CASD1: variants seen among roughly 807,000 people sequenced by gnomAD.
CASD1 encodes N-acetylneuraminate (7)9-O-acetyltransferase.
In CASD1, 41 loss-of-function variants were observed where a neutral mutation model predicts 100.0. The ratio of observed to expected loss-of-function variants is 0.41; its 90% CI spans 0.32 to 0.53. The LOEUF (loss-of-function observed/expected upper bound fraction) is 0.53. CASD1 is among the 20% of genes least tolerant of loss of function. CASD1 has a pLI of 0.25. For missense variants in CASD1, 774 were observed against 948.7 expected, an observed-to-expected ratio of 0.82 and a Z score of 2.42; for synonymous variants, 321 against 315.6, an observed-to-expected ratio of 1.02 and a Z score of -0.18.
At chr7:94,566,639 G>A in the CASD1 span, among the ~76,000 whole-genome samples, 3 of 152,164 alleles carry the variant, frequency 2.0e-5, no homozygotes, top group Non-Finnish European at 4.4e-5. Context: ...AACTTGGAGG[G>A]TGCATCAGGA....
chr7:94,582,300 T>G, the CASD1 span, among the ~76,000 whole-genome samples: 1 of 152,138 alleles, frequency 6.6e-6, no homozygotes, highest in Non-Finnish European at 1.5e-5. Flanking sequence ...GTATTTTTAG[T>G]AGAGATGGGG....
At chr7:94,621,715 G>A in the CASD1 span, 1 of 152,206 alleles carries the variant, frequency 6.6e-6, no homozygotes, top group Non-Finnish European at 1.5e-5. Flanking sequence ...TCCTAAGGAG[G>A]AAGGAAACTT....
chr7:94,626,159 G>A, the CASD1 span: 16 of 151,954 alleles, frequency 1.1e-4, no homozygotes, highest in African/African-American at 1.9e-4. Context: ...GCAGGATTTC[G>A]TTTTTATTTT....
the CASD1 span, chr7:94,599,844 C>T: frequency 6.4e-6 from 5 of 783,186 alleles, no homozygotes; most frequent in South Asian, 7.2e-5. Flanking sequence ...TTAAATGCAA[C>T]CAGGCAGCAT....
chr7:94,527,211 G>A lies in CASD1; in HGVS notation c.396+5G>A, dbSNP rs763673761. Reference sequence around the variant, plus strand: ...AAGACTGCATCAGTTAAAGTGGTAAGTTCATGTAATAGTAAGCTAGATGTT... The same window carrying A: ...AAGACTGCATCAGTTAAAGTGGTAAATTCATGTAATAGTAAGCTAGATGTT... On this transcript the variant is annotated splice_donor_5th_base_variant and intron_variant, in intron 4 of 17. Coordinates refer to ENST00000297273, the MANE Select transcript of CASD1 (RefSeq NM_022900.5). The A allele has an allele frequency of 5.6e-6, 9 of 1,599,666 alleles. No individual in the cohort carries two copies. The highest frequency in any genetic ancestry group is 1.3e-5 in the African/African-American group (1 of 74,580).
At chr7:94,599,701 G>A in the CASD1 span, 65 of 1,609,384 alleles carry the variant, frequency 4.0e-5, no homozygotes, top group Admixed American at 1.0e-4. Flanking sequence ...ACTTACTCTG[G>A]TGTTTGCATG....
At chr7:94,573,511 T>C in the CASD1 span, among the ~76,000 whole-genome samples, 2 of 152,244 alleles carry the variant, frequency 1.3e-5, no homozygotes, top group African/African-American at 4.8e-5. Flanking sequence ...ATTGCCTTTC[T>C]GATTTGGCTC....
chr7:94,595,156 A>T, the CASD1 span, among the ~76,000 whole-genome samples: 1 of 152,136 alleles, frequency 6.6e-6, no homozygotes, highest in Admixed American at 6.6e-5. Context: ...CTTACTGACT[A>T]ATTTATGGTG....
chr7:94,574,541 G>C, the CASD1 span, among the ~76,000 whole-genome samples: 7 of 151,788 alleles, frequency 4.6e-5, no homozygotes, highest in Admixed American at 1.3e-4. Context: ...AGTTTCTGAT[G>C]GTTAGTTTTA....
downstream of CASD1, among the ~76,000 whole-genome samples, chr7:94,561,992 A>G (rs1346573944): frequency 6.6e-6 from 1 of 152,292 alleles, no homozygotes; most frequent in Middle Eastern, 3.4e-3. Flanking sequence ...ATTGCAGGAC[A>G]TTCTATAAAC....
chr7:94,554,163 A>G (rs888287247), intron 16 of CASD1: 4 of 170,406 alleles, frequency 2.3e-5, no homozygotes, highest in Non-Finnish European at 5.0e-5. Context: ...GTGTTGCTAC[A>G]TAAATATGAT....
the CASD1 span, among the ~76,000 whole-genome samples, chr7:94,631,153 T>A: frequency 6.6e-6 from 1 of 152,054 alleles, no homozygotes; most frequent in East Asian, 1.9e-4. Flanking sequence ...TGTTTTGTAC[T>A]AGTATTCATA....
chr7:94,571,100 A>G, the CASD1 span, among the ~76,000 whole-genome samples: 2 of 151,658 alleles, frequency 1.3e-5, no homozygotes, highest in African/African-American at 2.4e-5. Context: ...CTGGAAAGCA[A>G]TAGTGCAATC....
At chr7:94,580,162 C>T in the CASD1 span, among the ~76,000 whole-genome samples, 1 of 152,148 alleles carries the variant, frequency 6.6e-6, no homozygotes, top group East Asian at 1.9e-4. Flanking sequence ...TGTATCTGCT[C>T]TCTATATTAT....
chr7:94,631,857 G>C, the CASD1 span, among the ~76,000 whole-genome samples: 2 of 152,008 alleles, frequency 1.3e-5, no homozygotes, highest in South Asian at 4.1e-4. Flanking sequence ...ATAATCTAAA[G>C]GAATCTCTTT....
At chr7:94,575,134 A>G in the CASD1 span, among the ~76,000 whole-genome samples, 15 of 152,076 alleles carry the variant, frequency 9.9e-5, no homozygotes, top group Admixed American at 3.9e-4. Flanking sequence ...TTCAGTTGTC[A>G]TGTTAAGTTG....
At chr7:94,550,148 A>G (rs1176378007) in intron 14 of CASD1, among the ~76,000 whole-genome samples, 10 of 152,290 alleles carry the variant, frequency 6.6e-5, no homozygotes, top group South Asian at 6.2e-4. Flanking sequence ...GTATTAGTCT[A>G]TGAACTTGAT....
In CASD1 at chr7:94,552,336, A is replaced by G. The variant is rs370690951; in HGVS notation, c.1957-14A>G. 7 of 1,599,812 alleles carry G rather than the reference A, an allele frequency of 4.4e-6. No homozygotes were observed. The highest frequency in any genetic ancestry group is 4.5e-5 in the East Asian group (2 of 44,594). On this transcript the variant is annotated splice_polypyrimidine_tract_variant and intron_variant, in intron 15 of 17. Transcript: ENST00000297273. Reference sequence around the variant, plus strand: ...CTTGCTTTTTTGAACTTTTCCATACATTTTTTGTTTTAGACCTATTCCATC... The same window carrying G: ...CTTGCTTTTTTGAACTTTTCCATACGTTTTTTGTTTTAGACCTATTCCATC...
chr7:94,545,134 T>C (rs528321122), intron 11 of CASD1, among the ~76,000 whole-genome samples: 87 of 152,294 alleles, frequency 5.7e-4, no homozygotes, highest in Non-Finnish European at 9.7e-4. Context: ...TACTATTTTG[T>C]ATCTTTGACA....
Sources: allele counts gnomAD v4.1 joint callset (sites outside exome capture counted in the v4.1 genomes callset), GRCh38; gene constraint gnomAD v4.1.1; transcripts MANE v1.5; gene names NCBI Gene and HGNC (gene_info 2026-07-23, HGNC 2026-07-21).